The following FBXO10 variants were observed in gnomAD, a reference collection of about 807,000 sequenced individuals.
FBXO10 encodes F-box only protein 10.
FBXO10 carries 39 observed loss-of-function variants against 80.7 expected under a neutral mutation model. The observed-to-expected ratio is 0.48, with a 90% CI of 0.37 to 0.63. The LOEUF (loss-of-function observed/expected upper bound fraction) is 0.63, where lower values mean the gene tolerates loss of function less well. Among genes scored for constraint, FBXO10 ranks in the 30% least tolerant of loss-of-function variants. The pLI, the probability that FBXO10 is intolerant of heterozygous loss-of-function variation, is 0.00. For missense variants in FBXO10, 1,025 were observed against 1,269.0 expected (o/e 0.81, Z 2.92); for synonymous variants, 449 against 489.6 (o/e 0.92, Z 1.09).
intron 1 of FBXO10, among the ~76,000 whole-genome samples, chr9:37,567,563 A>C (rs1172354672): frequency 6.6e-6 from 1 of 152,168 alleles, no homozygotes; most frequent in East Asian, 1.9e-4. Flanking sequence ...TGCAGGATCA[A>C]ATTCATTCTT....
intron 1 of FBXO10, among the ~76,000 whole-genome samples, chr9:37,567,595 T>C (rs1408748050): frequency 6.6e-6 from 1 of 152,206 alleles, no homozygotes; most frequent in African/African-American, 2.4e-5. Context: ...TGTGAGTTTA[T>C]ATATATGTGA....
intron 1 of FBXO10, among the ~76,000 whole-genome samples, chr9:37,568,661 ACGGAGTTCATGTGGTCTAAGGT>A (rs1313874241): frequency 2.0e-5 from 3 of 152,140 alleles, no homozygotes; most frequent in East Asian, 1.9e-4. Context: ...AAAAGGATAA[ACGGAGTTCATGTGGTCTAAGGT>A]CGGAGTTCAC....
chr9:37,539,834 T>G (rs1037780282), intron 2 of FBXO10, among the ~76,000 whole-genome samples: 4 of 152,230 alleles, frequency 2.6e-5, no homozygotes, highest in African/African-American at 9.6e-5. Context: ...TGACCTTCAG[T>G]AGCCCTCATT....
chr9:37,550,257 A>C (rs1822163882), intron 1 of FBXO10, among the ~76,000 whole-genome samples: 1 of 129,546 alleles, frequency 7.7e-6, no homozygotes. Flanking sequence ...ATCTTGGCTC[A>C]CTGCAACCTC....
intron 10 of FBXO10, 27 bp downstream of exon 10, chr9:37,515,877 C>T (rs1475010531): frequency 3.7e-6 from 6 of 1,603,792 alleles, no homozygotes; most frequent in Non-Finnish European, 5.1e-6. Flanking sequence ...CTCTAGAGGA[C>T]TCGTTCAGGC....
chr9:37,568,671 TGTGGTCTAAGGTCGGAGTTCAC>T (rs1257885675), intron 1 of FBXO10, among the ~76,000 whole-genome samples: 2 of 152,120 alleles, frequency 1.3e-5, no homozygotes, highest in African/African-American at 2.4e-5. Context: ...ACGGAGTTCA[TGTGGTCTAAGGTCGGAGTTCAC>T]GTGGTCTAAG....
rs575971105 is a variant in FBXO10, at chr9:37,567,010, A to AG, written c.-7+9200dup. Among the ~76,000 whole-genome samples the AG allele has an allele frequency of 2.1e-4, 32 of 152,312 alleles. 1 individual carries two copies. In the South Asian group the frequency reaches 6.6e-3, roughly 32 times the overall value. On this transcript the variant is annotated intron_variant, in intron 1 of 10. Transcript: ENST00000432825. ...ACTTAGGAGACAGAAGGGGAGTTGCAGGGGGGTCCCCAGATCCAGGTTTTA... is the reference window on the plus strand; with the variant it reads ...ACTTAGGAGACAGAAGGGGAGTTGCAGGGGGGGTCCCCAGATCCAGGTTTTA...
At chr9:37,526,920 G>A (rs948607908) in intron 5 of FBXO10, among the ~76,000 whole-genome samples, 1 of 151,096 alleles carries the variant, frequency 6.6e-6, no homozygotes, top group South Asian at 2.1e-4. Context: ...GCACGATCTC[G>A]GCTCACTGCA....
At chr9:37,524,882 C>A (rs143139711) in intron 6 of FBXO10, among the ~76,000 whole-genome samples, 14 of 152,194 alleles carry the variant, frequency 9.2e-5, no homozygotes, top group Non-Finnish European at 1.9e-4. Context: ...GAGGGCCTGT[C>A]GGCTCTGGGC....
In FBXO10 at chr9:37,512,196, T is replaced by C. The variant is rs1821073638; in HGVS notation, c.*351A>G. On this transcript the variant is annotated 3_prime_UTR_variant, in exon 11 of 11. Transcript: ENST00000432825. ...CCCGCCATCAGAAGTAAATCTGCTC[T>C]TTCCTGAGAAGAGTCTGGGTTTGGT... 1 of 174,018 alleles carries C rather than the reference T, an allele frequency of 5.7e-6. No homozygotes were observed. Among genetic ancestry groups the C allele is most frequent in the Admixed American group, 6.2e-5 (1 of 16,196 alleles). The allele number at this position is 174,018 out of a possible 1,614,324, so 10.8% of individuals were successfully genotyped here.
chr9:37,552,973 G>A (rs533498938), intron 1 of FBXO10, among the ~76,000 whole-genome samples: 5 of 151,826 alleles, frequency 3.3e-5, no homozygotes, highest in Middle Eastern at 3.4e-3. Flanking sequence ...ATACATTTTG[G>A]GGGGGACATA....
In FBXO10 at chr9:37,522,960, T is replaced by G; in HGVS notation, c.1795A>C (p.Asn599His). The stretch of plus-strand genomic sequence containing the variant: ...CGGATGTCCACACCTCCCCACTGAT[T>G]CTCACGGATGACATTTTCTATGGAG... ...GLITENVIRENQWGGVDIRRG... is the reference protein window; with the variant it reads ...GLITENVIREHQWGGVDIRRG... The change falls in exon 7 of 11, where the codon AAT (asparagine) becomes CAT (histidine). Residue 599 changes from asparagine to histidine, a missense_variant. Transcript: ENST00000432825. The G allele has an allele frequency of 6.3e-7, 1 of 1,594,916 alleles. No individual in the cohort carries two copies. Among genetic ancestry groups the G allele is most frequent in the Non-Finnish European group, 8.5e-7 (1 of 1,171,068 alleles).
chr9:37,521,156 G>A (rs1361657400), intron 8 of FBXO10, among the ~76,000 whole-genome samples: 1 of 152,238 alleles, frequency 6.6e-6, no homozygotes, highest in Non-Finnish European at 1.5e-5. Flanking sequence ...GATCAGGCTG[G>A]AAGAAGTGGC....
In FBXO10 at chr9:37,555,450, C is replaced by T. The variant is rs948785656; in HGVS notation, c.-6-13676G>A. ...GCCCAGTGGTGCAATCTCGGCTCAC[C>T]GCAACCTCCAACCTCCACCTCCCAG... On this transcript the variant is annotated intron_variant, in intron 1 of 10. Transcript: ENST00000432825. 5.3e-5 allele frequency among the ~76,000 whole-genome samples: 8 copies of T among 151,878 alleles called. No individual in the cohort carries two copies. In the South Asian group the frequency reaches 1.7e-3, roughly 32 times the overall value.
chr9:37,522,904 G>A lies in FBXO10; in HGVS notation c.1851C>T (p.Asn617=). The change falls in exon 7 of 11, where the codon AAC becomes AAT. Residue 617 remains asparagine (N), a synonymous_variant. Coordinates refer to ENST00000432825, the MANE Select transcript of FBXO10 (RefSeq NM_012166.3). ...CATCTGAATAGCCAAAGCAGATGAG[G>A]TTACTCCTGAGAACGGGGATCCCTC... ...RRGGIPVLRS[N]LICFGYSDGV... is the part of the protein sequence containing the mutation. The A allele has an allele frequency of 6.3e-7, 1 of 1,574,932 alleles. No individual in the cohort carries two copies. Among genetic ancestry groups the A allele is most frequent in the Non-Finnish European group, 8.6e-7 (1 of 1,160,258 alleles).
chr9:37,520,527 T>C (rs1322311419), intron 8 of FBXO10, among the ~76,000 whole-genome samples: 12 of 141,862 alleles, frequency 8.5e-5, no homozygotes, highest in East Asian at 6.2e-4. Flanking sequence ...TTCTTCTTTT[T>C]TTTTTTTTTT....
At chr9:37,564,872 T>C (rs1563890480) in intron 1 of FBXO10, among the ~76,000 whole-genome samples, 1 of 152,206 alleles carries the variant, frequency 6.6e-6, no homozygotes, top group Non-Finnish European at 1.5e-5. Flanking sequence ...AGTTAAGACT[T>C]TGGGGTACTG....
At chr9:37,527,958 A>G (rs905377994) in intron 5 of FBXO10, among the ~76,000 whole-genome samples, 35 of 152,350 alleles carry the variant, frequency 2.3e-4, no homozygotes, top group Non-Finnish European at 4.9e-4. Context: ...ATTATGGCAT[A>G]TCGAAATACT....
intron 5 of FBXO10, 39 bp downstream of exon 5, chr9:37,529,085 A>T: frequency 6.2e-7 from 1 of 1,612,140 alleles, no homozygotes; most frequent in South Asian, 1.1e-5. Context: ...GACAGGGAGG[A>T]GGTTAACAAA....
Sources: allele counts gnomAD v4.1 joint callset (sites outside exome capture counted in the v4.1 genomes callset), GRCh38; gene constraint gnomAD v4.1.1; transcripts MANE v1.5; gene names NCBI Gene and HGNC (gene_info 2026-07-23, HGNC 2026-07-21).